Variants in DDX6 observed in about 807,000 individuals in gnomAD.
DDX6 encodes probable ATP-dependent RNA helicase DDX6.
Under a neutral mutation model 60.6 loss-of-function variants are expected in DDX6, and 7 were observed. That is an observed-to-expected ratio of 0.12 (90% CI 0.07 to 0.22). DDX6 has a LOEUF of 0.22. Ranked by LOEUF, DDX6 falls within the 10% of genes least tolerant of loss-of-function variation. The pLI, the probability that DDX6 is intolerant of heterozygous loss-of-function variation, is 1.00. For missense variants in DDX6, 270 were observed against 589.9 expected, an observed-to-expected ratio of 0.46 and a Z score of 5.62; for synonymous variants, 207 against 201.0, an observed-to-expected ratio of 1.03 and a Z score of -0.25.
chr11:118,786,483 C>G lies in DDX6; in HGVS notation c.-232G>C. The G allele has an allele frequency of 2.9e-6, 1 of 349,774 alleles. No individual in the cohort carries two copies. The highest frequency in any genetic ancestry group is 1.2e-4 in the South Asian group (1 of 8,282). The allele number at this position is 349,774 out of a possible 1,614,324, so 21.7% of individuals were successfully genotyped here. On this transcript the variant is annotated 5_prime_UTR_variant, in exon 2 of 14. Coordinates refer to ENST00000534980, the MANE Select transcript of DDX6 (RefSeq NM_004397.6). ...TTTTTATTTTTAAAAAGCCCTCTAACAAGCTTGAGTTATATCTGAATTCAC... is the reference window on the plus strand; with the variant it reads ...TTTTTATTTTTAAAAAGCCCTCTAAGAAGCTTGAGTTATATCTGAATTCAC...
intron 4 of DDX6, among the ~76,000 whole-genome samples, chr11:118,773,872 A>C (rs979025583): frequency 9.2e-5 from 14 of 151,872 alleles, no homozygotes; most frequent in Admixed American, 6.6e-5. Context: ...CCAAAAAAAA[A>C]AACAAAACAA....
chr11:118,759,812 T>C, intron 8 of DDX6, 110 bp downstream of exon 8: 1 of 1,229,924 alleles, frequency 8.1e-7, no homozygotes, highest in Non-Finnish European at 1.1e-6. Context: ...GCCAAAGGCT[T>C]GAAATAATTA....
chr11:118,752,910 G>C (rs1860826364), intron 13 of DDX6, among the ~76,000 whole-genome samples: 1 of 152,060 alleles, frequency 6.6e-6, no homozygotes, highest in South Asian at 2.1e-4. Context: ...GCAACATAGT[G>C]AGATCCCATC....
intron 6 of DDX6, among the ~76,000 whole-genome samples, chr11:118,763,809 G>C (rs1383149320): frequency 1.4e-5 from 2 of 140,520 alleles, no homozygotes; most frequent in Non-Finnish European, 3.0e-5. Context: ...ACTCTAGCCA[G>C]AGCAACAGAG....
intron 4 of DDX6, among the ~76,000 whole-genome samples, chr11:118,776,318 C>T (rs1326542565): frequency 6.6e-6 from 1 of 152,054 alleles, no homozygotes; most frequent in Non-Finnish European, 1.5e-5. Flanking sequence ...TATACTATTA[C>T]CTCAATTATA....
chr11:118,748,829 GAGT>G lies in DDX6; in HGVS notation c.*3273_*3275del, dbSNP rs1860650569. ...CAATTTATACTCAAGGCTTTGTGCT[GAGT>G]TGTCGTTTGAACCAAGCATGATGTT... On this transcript the variant is annotated 3_prime_UTR_variant, in exon 14 of 14. Transcript: ENST00000534980. The G allele has an allele frequency of 6.7e-6, 1 of 150,020 alleles. No homozygotes were observed. The highest frequency in any genetic ancestry group is 1.5e-5 in the Non-Finnish European group (1 of 67,912). The allele number at this position is 150,020 out of a possible 1,614,324, so 9.3% of individuals were successfully genotyped here.
intron 13 of DDX6, 23 bp downstream of exon 13, chr11:118,754,682 T>TAGCTGTTCTGTCAGGGA: frequency 6.4e-7 from 1 of 1,572,188 alleles, no homozygotes; most frequent in Non-Finnish European, 8.6e-7. Flanking sequence ...AGGTTCCTCT[T>TAGCTGTTCTGTCAGGGA]AGCTGTTCTG....
chr11:118,773,710 T>C (rs1304559194), intron 4 of DDX6, among the ~76,000 whole-genome samples: 1 of 151,534 alleles, frequency 6.6e-6, no homozygotes, highest in African/African-American at 2.4e-5. Flanking sequence ...TAATTTAGGC[T>C]GGGGATGGTG....
chr11:118,762,268 T>C lies in DDX6; in HGVS notation c.741+944A>G, dbSNP rs1473553372. Among the ~76,000 whole-genome samples the C allele has an allele frequency of 7.1e-5, 7 of 98,394 alleles. No homozygotes were observed. In the Admixed American group the frequency reaches 7.3e-4, roughly 10 times the overall value. The allele number at this position is 98,394 out of a possible 152,430, so 64.6% of individuals were successfully genotyped here. A position where few individuals can be genotyped will look rare whatever the true frequency, so the allele number is the denominator to read the frequency against. On this transcript the variant is annotated intron_variant, in intron 7 of 13. Coordinates refer to ENST00000534980, the MANE Select transcript of DDX6 (RefSeq NM_004397.6). ...TCCAGTCTGGGTGACAGAGTGAGTC[T>C]GTCTCAAAAAAAAAAAAATAATAAT...
At chr11:118,777,092 C>G (rs868963447) in intron 4 of DDX6, among the ~76,000 whole-genome samples, 1 of 151,990 alleles carries the variant, frequency 6.6e-6, no homozygotes, top group Non-Finnish European at 1.5e-5. Context: ...TACATACATA[C>G]GCAATTCCAA....
At chr11:118,784,503 G>C (rs948449184) in intron 2 of DDX6, among the ~76,000 whole-genome samples, 11 of 149,894 alleles carry the variant, frequency 7.3e-5, no homozygotes, top group African/African-American at 2.7e-4. Flanking sequence ...CTGTTGCCCA[G>C]GCTGGAGTGC....
In DDX6 at chr11:118,762,103, C is replaced by T. The variant is rs946519472; in HGVS notation, c.741+1109G>A. Among the ~76,000 whole-genome samples, 112 of 151,760 alleles carry T rather than the reference C, an allele frequency of 7.4e-4. 1 individual carries two copies. Among genetic ancestry groups the T allele is most frequent in the African/African-American group, 2.6e-3 (109 of 41,324 alleles). Reference sequence around the variant, plus strand: ...TAGCCTGGCCAACATTGCAAAACCGCGCCTCTACTAAAAATACAAGAATTA... The same window carrying T: ...TAGCCTGGCCAACATTGCAAAACCGTGCCTCTACTAAAAATACAAGAATTA... On this transcript the variant is annotated intron_variant, in intron 7 of 13. Transcript: ENST00000534980.
intron 3 of DDX6, among the ~76,000 whole-genome samples, chr11:118,780,393 C>T (rs1409781197): frequency 6.6e-6 from 1 of 152,108 alleles, no homozygotes; most frequent in Non-Finnish European, 1.5e-5. Context: ...TCTCGGCTCA[C>T]TGCAACCTCT....
intron 4 of DDX6, among the ~76,000 whole-genome samples, chr11:118,771,173 T>C (rs1217252826): frequency 2.0e-5 from 3 of 152,192 alleles, no homozygotes; most frequent in Non-Finnish European, 2.9e-5. Context: ...TTTTACAGTA[T>C]TGAAAAAGTA....
At chr11:118,784,285 T>C (rs1448482616) in intron 2 of DDX6, among the ~76,000 whole-genome samples, 6 of 152,062 alleles carry the variant, frequency 3.9e-5, no homozygotes, top group Non-Finnish European at 7.4e-5. Context: ...AAATTAGTTC[T>C]TAGAGGTCCT....
Position 118,751,046 on chromosome 11 carries a change from C to CA in DDX6, c.*1058dup, listed in dbSNP as rs1251334850. The CA allele has an allele frequency of 2.8e-4, 37 of 134,542 alleles. No individual in the cohort carries two copies. The highest frequency in any genetic ancestry group is 3.5e-4 in the Non-Finnish European group (22 of 62,990). 8.3% of individuals were successfully genotyped at this position (134,542 alleles called of 1,614,324 possible). ...CCCCTTAATCCCAGCAACCTTCATC[C>CA]AAAAAAAAATATATATATATGTATA... On this transcript the variant is annotated 3_prime_UTR_variant, in exon 14 of 14. Transcript: ENST00000534980.
chr11:118,787,493 A>AG, intron 1 of DDX6: 1 of 151,156 alleles, frequency 6.6e-6, no homozygotes, highest in Non-Finnish European at 1.5e-5. Flanking sequence ...ACAAGAAAAA[A>AG]AAAACAAAAA....
At chr11:118,768,546 A>C (rs1861430606) in intron 4 of DDX6, among the ~76,000 whole-genome samples, 194 bp from the exon 5 acceptor site, 1 of 152,232 alleles carries the variant, frequency 6.6e-6, no homozygotes, top group African/African-American at 2.4e-5. Flanking sequence ...ATTATAAACC[A>C]GTATTTACCA....
intron 13 of DDX6, 97 bp downstream of exon 13, chr11:118,754,608 C>T (rs1186713374): frequency 1.4e-5 from 15 of 1,068,974 alleles, no homozygotes; most frequent in Non-Finnish European, 1.9e-5. Flanking sequence ...CCCTTTATTG[C>T]TATTATATAT....
Sources: allele counts gnomAD v4.1 joint callset (sites outside exome capture counted in the v4.1 genomes callset), GRCh38; gene constraint gnomAD v4.1.1; transcripts MANE v1.5; gene names NCBI Gene and HGNC (gene_info 2026-07-23, HGNC 2026-07-21).